ZNF195: variants seen among roughly 807,000 people sequenced by gnomAD.
ZNF195 encodes zinc finger protein 195.
In ZNF195, 11 loss-of-function variants were observed where a neutral mutation model predicts 19.5. The ratio of observed to expected loss-of-function variants is 0.57; its 90% CI spans 0.36 to 0.94. The LOEUF (loss-of-function observed/expected upper bound fraction) is 0.94. Ranked by LOEUF, ZNF195 falls within the 40% of genes least tolerant of loss-of-function variation. The pLI, the probability that ZNF195 is intolerant of heterozygous loss-of-function variation, is 0.01. For missense variants in ZNF195, 582 were observed against 709.0 expected (o/e 0.82, Z 2.03); for synonymous variants, 214 against 248.1 (o/e 0.86, Z 1.29).
At position 3,370,977 on chromosome 11, in the gene ZNF195, G is replaced by A. The variant is rs1849176929; in HGVS notation, c.224C>T (p.Pro75Leu). 8 of 1,613,652 alleles carry A rather than the reference G, an allele frequency of 5.0e-6. No individual in the cohort carries two copies. Among genetic ancestry groups the A allele is most frequent in the Non-Finnish European group, 5.9e-6 (7 of 1,179,666 alleles). The change falls in exon 3 of 6, where the codon CCA becomes CTA. Residue 75 changes from proline to leucine, a missense_variant and splice_region_variant. By Grantham distance (98) the Pro-to-Leu change is moderately conservative (BLOSUM62 -3). This residue lies in a region of ZNF195 where 129 missense variants were observed against 112.1 expected (regional missense o/e 1.15). Transcript: ENST00000399602. ...CTGCTTCGTTCATTCCCACCCACCT[G>A]GATGTCCGTCTGCTGCCTCCTGTCT... ...VKRQEAADGH[P>L]EMGFHHATQA...
intron 4 of ZNF195, among the ~76,000 whole-genome samples, chr11:3,361,263 C>T (rs1848619691): frequency 6.6e-6 from 1 of 152,136 alleles, no homozygotes; most frequent in Non-Finnish European, 1.5e-5. Flanking sequence ...GAGAAAGGCA[C>T]ATTATAAAGG....
rs993058330 is a variant in ZNF195 at position 3,358,282 on chromosome 11, GGA to G, written c.*834_*835del. 2 of 152,220 alleles carry G rather than the reference GGA, an allele frequency of 1.3e-5. No homozygotes were observed. Among genetic ancestry groups the G allele is most frequent in the African/African-American group, 4.8e-5 (2 of 41,434 alleles). 9.4% of individuals were successfully genotyped at this position (152,220 alleles called of 1,614,324 possible). A position where few individuals can be genotyped will look rare whatever the true frequency, so the allele number is the denominator to read the frequency against. On this transcript the variant is annotated 3_prime_UTR_variant, in exon 6 of 6. Coordinates refer to ENST00000399602, the MANE Select transcript of ZNF195 (RefSeq NM_001130520.3). ...AAGGGACCGTATTGTAAGTCCTGTG[GGA>G]GGGGAAGGGAACGGTCTGATCAGGG...
Position 3,360,754 on chromosome 11 carries a change from T to G in ZNF195, c.408A>C (p.Lys136Asn). The change falls in exon 5 of 6, where the codon AAA (lysine) becomes AAC (asparagine). Residue 136 changes from lysine to asparagine, a missense_variant. Transcript: ENST00000399602. ...LCSPGVLQTV[K>N]WFLEFRCIFS... ...AGATGCATCTGAACTCTAAAAACCATTTCACAGTTTGCAGCACCCCAGGTG... is the reference window on the plus strand; with the variant it reads ...AGATGCATCTGAACTCTAAAAACCAGTTCACAGTTTGCAGCACCCCAGGTG... 6.4e-7 allele frequency: 1 copy of G among 1,551,570 alleles called. No individual in the cohort carries two copies. The highest frequency in any genetic ancestry group is 8.7e-7 in the Non-Finnish European group (1 of 1,146,956).
rs1235848260 is a variant in ZNF195 at position 3,359,208 on chromosome 11, A to G, written c.1800T>C (p.His600=). 1.9e-5 allele frequency: 30 copies of G among 1,613,880 alleles called. No homozygotes were observed. The highest frequency in any genetic ancestry group is 2.2e-5 in the Non-Finnish European group (26 of 1,179,988). The change falls in exon 6 of 6, where the codon CAT becomes CAC. Residue 600 remains histidine (H), a synonymous_variant. Coordinates refer to ENST00000399602, the MANE Select transcript of ZNF195 (RefSeq NM_001130520.3). The surrounding 1 kb of genome is among the most constrained non-coding windows in gnomAD (Gnocchi z 5.5). The stretch of plus-strand genomic sequence containing the variant: ...CACACTTGTAGGGTTTCTCTCCAGT[A>G]TGAATTCTCTTATGTACAATAAGGT... ...SSNLIVHKRI[H]TGEKPYKCEK...
In ZNF195 at chr11:3,361,903, A is replaced by C. The variant is rs1459927891; in HGVS notation, c.227-14T>G. 5.2e-5 allele frequency: 22 copies of C among 419,372 alleles called. No homozygotes were observed. Among genetic ancestry groups the C allele is most frequent in the Non-Finnish European group, 9.9e-5 (21 of 211,842 alleles). The allele number at this position is 419,372 out of a possible 1,614,324, so 26.0% of individuals were successfully genotyped here. A position where few individuals can be genotyped will look rare whatever the true frequency, so the allele number is the denominator to read the frequency against. On this transcript the variant is annotated splice_polypyrimidine_tract_variant and intron_variant, in intron 3 of 5. Coordinates refer to ENST00000399602, the MANE Select transcript of ZNF195 (RefSeq NM_001130520.3). ...GAAATCCCATCTCTACAGAAAATAC[A>C]AAAAAATTAGCTGTGTATGCTGTTG...
intron 1 of ZNF195, among the ~76,000 whole-genome samples, chr11:3,378,584 C>T (rs1488937127): frequency 6.6e-6 from 1 of 152,204 alleles, no homozygotes; most frequent in African/African-American, 2.4e-5. Flanking sequence ...CTGATAAAAG[C>T]CTTTCCTTCA....
rs753921544 is a variant in ZNF195, at chr11:3,369,020, G to A, written c.226+1955C>T. Among the ~76,000 whole-genome samples the A allele has an allele frequency of 7.2e-5, 11 of 152,120 alleles. No individual in the cohort carries two copies. The East Asian group carries it at 7.7e-4, about 11-fold the overall frequency. On this transcript the variant is annotated intron_variant, in intron 3 of 5. Transcript: ENST00000399602. Reference sequence around the variant, plus strand: ...GTCTTGGCAATCATTTTTTAGACACGACACCAAAAGTACAGCAACAAAAGT... The same window carrying A: ...GTCTTGGCAATCATTTTTTAGACACAACACCAAAAGTACAGCAACAAAAGT...
rs1419033587 is a variant in ZNF195 at position 3,360,317 on chromosome 11, A to C, written c.691T>G (p.Leu231Val). The C allele has an allele frequency of 3.1e-6, 5 of 1,604,682 alleles. No homozygotes were observed. In the East Asian group the frequency reaches 1.1e-4, roughly 36 times the overall value. The change falls in exon 6 of 6, where the codon TTA becomes GTA. Residue 231 changes from leucine (L) to valine (V), a missense_variant. Leu to Val is a conservative substitution (Grantham distance 32). Around this residue, in one of 3 missense-constraint regions of ZNF195, gnomAD observed 407 missense variants for 530.5 expected, o/e 0.77. Transcript: ENST00000399602. ...YVKIFDNFSN[L>V]HRRNISNTGE... The stretch of plus-strand genomic sequence containing the variant: ...GTATTACTTATATTACGTCTATGTA[A>C]ATTTGAAAAGTTATCAAAGATTTTA...
Position 3,359,772 on chromosome 11 carries a change from A to G in ZNF195, c.1236T>C (p.Cys412=), listed in dbSNP as rs1167517385. ...ACTTGAAGATGCTGTCACATTCCTC[A>G]CATTTGAAAGGTTTCCCTCCAATCT... The part of the protein sequence containing the change: ...RNEIGGKPFK[C]EECDSIFKWF... The change falls in exon 6 of 6, where the codon TGT becomes TGC. Residue 412 remains cysteine (C), a synonymous_variant. Transcript: ENST00000399602. The surrounding 1 kb of genome is among the most constrained non-coding windows in gnomAD (Gnocchi z 5.5). 2 of 1,614,178 alleles carry G rather than the reference A, an allele frequency of 1.2e-6. No individual in the cohort carries two copies. Among genetic ancestry groups the G allele is most frequent in the Non-Finnish European group, 1.7e-6 (2 of 1,180,026 alleles).
intron 3 of ZNF195, among the ~76,000 whole-genome samples, chr11:3,369,874 T>C (rs1212656250): frequency 6.6e-6 from 1 of 152,270 alleles, no homozygotes; most frequent in African/African-American, 2.4e-5. Context: ...ACATTAACTG[T>C]TCTCACTACA....
chr11:3,368,664 T>C (rs763411290), intron 3 of ZNF195: 2 of 192,274 alleles, frequency 1.0e-5, no homozygotes, highest in Non-Finnish European at 2.2e-5. Context: ...TATTTTCTGT[T>C]TTCAAGTGAC....
rs1267919945 is a variant in ZNF195, at chr11:3,358,615, C to A, written c.*503G>T. ...GCTTTTCAAAAATTTAACATTTTTT[C>A]AATGCAAAAAAGTATATTTTGAATG... On this transcript the variant is annotated 3_prime_UTR_variant, in exon 6 of 6. Transcript: ENST00000399602. 1.3e-5 allele frequency: 2 copies of A among 152,074 alleles called. No homozygotes were observed. The highest frequency in any genetic ancestry group is 2.9e-5 in the Non-Finnish European group (2 of 68,018). The allele number at this position is 152,074 out of a possible 1,614,324, so 9.4% of individuals were successfully genotyped here.
At position 3,360,260 on chromosome 11, in the gene ZNF195, C is replaced by T; in HGVS notation, c.748G>A (p.Gly250Ser). The T allele has an allele frequency of 6.2e-7, 1 of 1,613,686 alleles. No homozygotes were observed. Among genetic ancestry groups the T allele is most frequent in the Non-Finnish European group, 8.5e-7 (1 of 1,179,796 alleles). The change falls in exon 6 of 6, where the codon GGC becomes AGC. Residue 250 changes from glycine to serine, a missense_variant. Gly to Ser is a moderately conservative substitution (Grantham distance 56). Around this residue, in one of 3 missense-constraint regions of ZNF195, gnomAD observed 407 missense variants for 530.5 expected, o/e 0.77. Coordinates refer to ENST00000399602, the MANE Select transcript of ZNF195 (RefSeq NM_001130520.3). ...GEKPFKCQEC[G>S]KSFQMLSFLT... ...AATGAGAGCATTTGAAAGGATTTGC[C>T]ACATTCTTGACATTTGAAAGGTTTC...
intron 3 of ZNF195, among the ~76,000 whole-genome samples, chr11:3,363,140 G>C (rs953327057): frequency 6.6e-6 from 1 of 152,040 alleles, no homozygotes; most frequent in Non-Finnish European, 1.5e-5. Flanking sequence ...GCTATTTTTT[G>C]CTTCAATTTT....
chr11:3,371,513 CCG>C, intron 2 of ZNF195, 62 bp downstream of exon 2: 1 of 1,607,902 alleles, frequency 6.2e-7, no homozygotes, highest in Non-Finnish European at 8.5e-7. Context: ...AAAAAACATT[CCG>C]CAGAGGAACG....
rs752850863 is a variant in ZNF195, at chr11:3,360,211, T to C, written c.797A>G (p.His266Arg). 1.9e-6 allele frequency: 3 copies of C among 1,614,038 alleles called. No homozygotes were observed. The South Asian group carries it at 3.3e-5, about 18-fold the overall frequency. The stretch of plus-strand genomic sequence containing the variant: ...ACATTTTTGGAATTTTTTTCCAGTG[T>C]GAATTTTCTGATGTTCAGTTAGGAA... ...LSFLTEHQKI[H>R]TGKKFQKCGE... Residue 266 changes from histidine to arginine, a missense_variant, in exon 6 of 6, where the codon CAC becomes CGC. This residue lies in a region of ZNF195 where 407 missense variants were observed against 530.5 expected (regional missense o/e 0.77). Coordinates refer to ENST00000399602, the MANE Select transcript of ZNF195 (RefSeq NM_001130520.3).
At position 3,367,054 on chromosome 11, in the gene ZNF195, A is replaced by G. The variant is rs760232998; in HGVS notation, c.226+3921T>C. On this transcript the variant is annotated intron_variant, in intron 3 of 5. Coordinates refer to ENST00000399602, the MANE Select transcript of ZNF195 (RefSeq NM_001130520.3). ...CACTACAGCCTGGGTGATAGAGTGA[A>G]ACTCTGTGTAAAAAAAAAAAAAAAA... The G allele has an allele frequency of 1.3e-3, 382 of 298,214 alleles. 1 individual carries two copies. The highest frequency in any genetic ancestry group is 9.0e-3 in the African/African-American group (363 of 40,532). The allele number at this position is 298,214 out of a possible 1,614,324, so 18.5% of individuals were successfully genotyped here.
chr11:3,377,889 A>G (rs1849541812), intron 1 of ZNF195: 16 of 988,204 alleles, frequency 1.6e-5, no homozygotes, highest in Non-Finnish European at 1.9e-5. Flanking sequence ...CATTCTGGTA[A>G]GGTGTCTGTG....
At chr11:3,365,888 C>G (rs1848857689) in intron 3 of ZNF195, among the ~76,000 whole-genome samples, 1 of 152,120 alleles carries the variant, frequency 6.6e-6, no homozygotes, top group Non-Finnish European at 1.5e-5. Context: ...ATGTTAAAAA[C>G]CAGATATCTA....
Sources: gnomAD v4.1 joint callset for allele counts (sites outside exome capture counted in the v4.1 genomes callset) on GRCh38, gnomAD v4.1.1 for gene constraint, gnomAD v4.1.1 regional missense constraint, Gnocchi (gnomAD v3.1) non-coding constraint, MANE v1.5 for transcripts, NCBI Gene and HGNC (gene_info 2026-07-23, HGNC 2026-07-21) for gene names.